The following PARM1 variants were observed in gnomAD, a reference collection of about 807,000 sequenced individuals.
PARM1 encodes prostate androgen-regulated mucin-like protein 1, also known as WSC4, cell wall integrity and stress response component 4 homolog.
PARM1 carries 14 observed loss-of-function variants against 24.6 expected under a neutral mutation model. The ratio of observed to expected loss-of-function variants is 0.57; its 90% CI spans 0.38 to 0.89. PARM1 has a LOEUF of 0.89. Among genes scored for constraint, PARM1 ranks in the 40% least tolerant of loss-of-function variants. The pLI, the probability that PARM1 is intolerant of heterozygous loss-of-function variation, is 0.00. For missense variants in PARM1, 362 were observed against 380.4 expected (o/e 0.95, Z 0.40); for synonymous variants, 179 against 156.6 (o/e 1.14, Z -1.07).
chr4:74,997,577 G>T (rs1369057675), intron 1 of PARM1: 1 of 152,184 alleles, frequency 6.6e-6, no homozygotes, highest in Admixed American at 6.5e-5. Flanking sequence ...AAATAAGGGA[G>T]CTGGTGTAAT....
chr4:74,997,101 C>G (rs182874946), intron 1 of PARM1, among the ~76,000 whole-genome samples: 1 of 152,282 alleles, frequency 6.6e-6, no homozygotes, highest in Non-Finnish European at 1.5e-5. Context: ...CTTGTGCTTC[C>G]TCCTGCAGAG....
intron 1 of PARM1, among the ~76,000 whole-genome samples, chr4:75,011,141 G>A (rs1190224763): frequency 6.6e-6 from 1 of 152,162 alleles, no homozygotes; most frequent in African/African-American, 2.4e-5. Context: ...CAGTCCCTAT[G>A]ACCAAAACAA....
intron 1 of PARM1, among the ~76,000 whole-genome samples, chr4:75,003,145 C>T (rs1722712222): frequency 6.6e-6 from 1 of 152,132 alleles, no homozygotes; most frequent in Non-Finnish European, 1.5e-5. Context: ...CCTGCATTGT[C>T]TCTCTTTCTC....
chr4:74,986,087 G>A (rs1188192248), intron 1 of PARM1, among the ~76,000 whole-genome samples: 2 of 152,024 alleles, frequency 1.3e-5, no homozygotes, highest in African/African-American at 2.4e-5. Context: ...TCATTGTTTT[G>A]TTTTCCTCTT....
chr4:75,000,449 T>C (rs1250849592), intron 1 of PARM1, among the ~76,000 whole-genome samples: 1 of 152,212 alleles, frequency 6.6e-6, no homozygotes, highest in Non-Finnish European at 1.5e-5. Context: ...AGTCTCCTTC[T>C]GCCTTTCACT....
intron 1 of PARM1, chr4:74,993,975 G>A (rs1337248965): frequency 6.6e-6 from 1 of 152,146 alleles, no homozygotes; most frequent in Middle Eastern, 3.2e-3. Context: ...TTACAAAAGA[G>A]AAAGGTTGAT....
intron 1 of PARM1, among the ~76,000 whole-genome samples, chr4:74,996,510 G>T (rs1722579123): frequency 6.6e-6 from 1 of 152,188 alleles, no homozygotes; most frequent in African/African-American, 2.4e-5. Context: ...GTGGGGAGTT[G>T]CTTAGTGTAG....
At chr4:74,967,104 T>C (rs574705174) in intron 1 of PARM1, 1 of 152,318 alleles carries the variant, frequency 6.6e-6, no homozygotes, top group South Asian at 2.1e-4. Flanking sequence ...TCTGCCAATT[T>C]AGGTATAGAA....
At chr4:75,016,254 G>A (rs1722984824) in intron 2 of PARM1, among the ~76,000 whole-genome samples, 1 of 152,160 alleles carries the variant, frequency 6.6e-6, no homozygotes, top group African/African-American at 2.4e-5. Context: ...ACAAAGGCAA[G>A]GAACCAAGAG....
intron 2 of PARM1, among the ~76,000 whole-genome samples, chr4:75,024,003 G>A (rs1723134444): frequency 6.6e-6 from 1 of 152,216 alleles, no homozygotes; most frequent in Non-Finnish European, 1.5e-5. Context: ...CAGGTGCGGT[G>A]GCTCACGCCT....
At chr4:74,993,655 A>C (rs998808947) in intron 1 of PARM1, among the ~76,000 whole-genome samples, 1 of 152,196 alleles carries the variant, frequency 6.6e-6, no homozygotes, top group African/African-American at 2.4e-5. Flanking sequence ...AGGTAAAAAG[A>C]ATAACAATGG....
At chr4:74,936,935 C>T (rs1018296288) in intron 1 of PARM1, among the ~76,000 whole-genome samples, 2 of 152,080 alleles carry the variant, frequency 1.3e-5, no homozygotes, top group Non-Finnish European at 2.9e-5. Context: ...TCTGTTTGCC[C>T]CTGTCTCCTC....
intron 2 of PARM1, among the ~76,000 whole-genome samples, chr4:75,031,736 C>A (rs900339542): frequency 1.3e-5 from 2 of 152,160 alleles, no homozygotes; most frequent in African/African-American, 4.8e-5. Flanking sequence ...GCAAAAAAAT[C>A]AGCTATATTC....
At chr4:74,934,453 A>C (rs1721134443) in intron 1 of PARM1, among the ~76,000 whole-genome samples, 1 of 152,228 alleles carries the variant, frequency 6.6e-6, no homozygotes, top group Non-Finnish European at 1.5e-5. Context: ...TCCCTTGAAA[A>C]GAAGCTAGCG....
intron 1 of PARM1, among the ~76,000 whole-genome samples, chr4:74,947,955 G>A (rs1490709759): frequency 6.6e-6 from 1 of 152,212 alleles, no homozygotes; most frequent in East Asian, 1.9e-4. Flanking sequence ...TGAAAGGCCA[G>A]AGAAGCAGAG....
intron 1 of PARM1, among the ~76,000 whole-genome samples, chr4:74,982,967 C>G (rs145738114): frequency 4.6e-5 from 7 of 152,194 alleles, no homozygotes; most frequent in African/African-American, 7.2e-5. Flanking sequence ...AACACTGCAA[C>G]AGGAAAAAAA....
intron 1 of PARM1, chr4:74,993,966 T>C (rs1441277196): frequency 6.6e-6 from 1 of 152,116 alleles, no homozygotes; most frequent in East Asian, 1.9e-4. Flanking sequence ...AATAGAAGTT[T>C]ACAAAAGAGA....
chr4:75,039,520 C>T (rs781515402), intron 3 of PARM1, among the ~76,000 whole-genome samples: 10 of 151,312 alleles, frequency 6.6e-5, no homozygotes, highest in Admixed American at 2.0e-4. Flanking sequence ...CGTGACACAG[C>T]GAGAAAAAAA....
chr4:74,989,640 T>G (rs921453749), intron 1 of PARM1, among the ~76,000 whole-genome samples: 1 of 152,104 alleles, frequency 6.6e-6, no homozygotes, highest in African/African-American at 2.4e-5. Context: ...CCACTGATGA[T>G]CAACTCCACC....
Sources: gnomAD v4.1 joint callset for allele counts (sites outside exome capture counted in the v4.1 genomes callset) on GRCh38, gnomAD v4.1.1 for gene constraint, MANE v1.5 for transcripts, NCBI Gene and HGNC (gene_info 2026-07-23, HGNC 2026-07-21) for gene names.